The following EPB41 variants were observed in gnomAD, a reference collection of about 807,000 sequenced individuals.
The protein encoded by EPB41 is erythrocyte membrane protein band 4.1.
In EPB41, 65 loss-of-function variants were observed where a neutral mutation model predicts 108.0. The observed-to-expected ratio is 0.60, with a 90% CI of 0.49 to 0.74. The LOEUF (loss-of-function observed/expected upper bound fraction) is 0.74, where lower values mean the gene tolerates loss of function less well. Ranked by LOEUF, EPB41 falls within the 30% of genes least tolerant of loss-of-function variation. The probability of loss-of-function intolerance (pLI) is 0.00; values close to 1 mark genes in which losing one functional copy is unlikely to be tolerated. For synonymous variants in EPB41, 336 were observed against 358.9 expected, an observed-to-expected ratio of 0.94 and a Z score of 0.72; for missense variants, 875 against 1,037.0, an observed-to-expected ratio of 0.84 and a Z score of 2.15.
chr1:28,984,341 A>C (rs2095825350), intron 1 of EPB41, among the ~76,000 whole-genome samples: 1 of 152,160 alleles, frequency 6.6e-6, no homozygotes, highest in South Asian at 2.1e-4. Flanking sequence ...TTCTGCCTAG[A>C]ATTTCTCTGC....
chr1:28,961,987 C>T (rs1477035464), intron 1 of EPB41, among the ~76,000 whole-genome samples: 1 of 150,888 alleles, frequency 6.6e-6, no homozygotes, highest in Non-Finnish European at 1.5e-5. Context: ...TGCTCTTATT[C>T]CTAAATTGAT....
chr1:28,964,500 C>T (rs898843243), intron 1 of EPB41, among the ~76,000 whole-genome samples: 1 of 151,916 alleles, frequency 6.6e-6, no homozygotes, highest in Non-Finnish European at 1.5e-5. Context: ...ACTTGGGAGG[C>T]TGAGGCAGGA....
intron 4 of EPB41, among the ~76,000 whole-genome samples, chr1:29,001,838 A>G (rs183243668): frequency 6.6e-6 from 1 of 152,136 alleles, no homozygotes; most frequent in Admixed American, 6.5e-5. Flanking sequence ...ACAATTATAT[A>G]TCTTGGTGTG....
intron 16 of EPB41, among the ~76,000 whole-genome samples, chr1:29,082,940 C>T (rs1334329724): frequency 1.3e-5 from 2 of 152,156 alleles, no homozygotes; most frequent in Non-Finnish European, 2.9e-5. Flanking sequence ...ATTTCATTTG[C>T]TGTCCTTTGT....
At chr1:28,953,830 A>C (rs1187477548) in intron 1 of EPB41, among the ~76,000 whole-genome samples, 1 of 152,244 alleles carries the variant, frequency 6.6e-6, no homozygotes, top group Non-Finnish European at 1.5e-5. Context: ...GCATTTATCA[A>C]AATCACTTGG....
At chr1:29,019,891 G>C (rs1186394629) in intron 7 of EPB41, among the ~76,000 whole-genome samples, 5 of 152,020 alleles carry the variant, frequency 3.3e-5, no homozygotes, top group Non-Finnish European at 5.9e-5. Context: ...AGTCTTATAA[G>C]AGTTACCCAT....
At chr1:29,025,496 A>G (rs1363202347) in intron 7 of EPB41, among the ~76,000 whole-genome samples, 6 of 152,036 alleles carry the variant, frequency 3.9e-5, no homozygotes, top group Non-Finnish European at 2.9e-5. Context: ...GTTTAGAGGT[A>G]TCTAATCTCT....
chr1:29,013,302 C>T (rs1266152724), intron 5 of EPB41, among the ~76,000 whole-genome samples: 46 of 146,344 alleles, frequency 3.1e-4, no homozygotes, highest in Non-Finnish European at 1.3e-4. Flanking sequence ...TCCAGCCTGG[C>T]GACAGAGCAA....
At chr1:28,890,372 C>T (rs2089989503) in intron 1 of EPB41, among the ~76,000 whole-genome samples, 1 of 152,140 alleles carries the variant, frequency 6.6e-6, no homozygotes, top group Non-Finnish European at 1.5e-5. Flanking sequence ...TGGGATTCCA[C>T]TCCTTTATAG....
At chr1:28,906,886 C>G (rs1462368272) in intron 1 of EPB41, among the ~76,000 whole-genome samples, 1 of 151,778 alleles carries the variant, frequency 6.6e-6, no homozygotes, top group South Asian at 2.1e-4. Flanking sequence ...CGCCATTCTC[C>G]TGCCTCAGCC....
chr1:29,013,375 A>G (rs985346211), intron 5 of EPB41, among the ~76,000 whole-genome samples: 5 of 149,740 alleles, frequency 3.3e-5, no homozygotes, highest in Non-Finnish European at 7.4e-5. Flanking sequence ...AACATGGGGG[A>G]AAAAAACAAA....
chr1:28,993,644 T>C (rs2096076489), intron 3 of EPB41, 102 bp downstream of exon 3: 2 of 984,386 alleles, frequency 2.0e-6, no homozygotes, highest in South Asian at 1.5e-5. Flanking sequence ...ACTGTAGTGA[T>C]TATTTCTTTT....
At chr1:29,078,741 G>A (rs983321081) in intron 16 of EPB41, among the ~76,000 whole-genome samples, 7 of 152,098 alleles carry the variant, frequency 4.6e-5, no homozygotes, top group East Asian at 3.9e-4. Context: ...GCAAGACCCC[G>A]TCTCTACAAA....
chr1:29,025,588 A>G (rs1305658823), intron 7 of EPB41, among the ~76,000 whole-genome samples: 1 of 151,988 alleles, frequency 6.6e-6, no homozygotes, highest in Non-Finnish European at 1.5e-5. Flanking sequence ...GGCAAAAAAT[A>G]ATTTATTTTG....
At chr1:29,043,415 T>G (rs12063560) in intron 11 of EPB41, among the ~76,000 whole-genome samples, 18,724 of 152,258 alleles carry the variant, frequency 0.12, 1,585 homozygotes, top group African/African-American at 0.25. Flanking sequence ...TGCTGTCCCA[T>G]GGACCTTTCT....
At chr1:29,114,866 G>A (rs1670382593) in intron 19 of EPB41, among the ~76,000 whole-genome samples, 1 of 152,020 alleles carries the variant, frequency 6.6e-6, no homozygotes, top group Admixed American at 6.6e-5. Context: ...AATAAGTAAT[G>A]TACTTAGGCT....
chr1:29,030,034 C>G (rs1347266139), intron 7 of EPB41, among the ~76,000 whole-genome samples: 1 of 151,866 alleles, frequency 6.6e-6, no homozygotes, highest in East Asian at 1.9e-4. Context: ...ATCTCCTTGG[C>G]AAGAAAAATT....
At chr1:28,996,410 G>A (rs954955539) in intron 3 of EPB41, among the ~76,000 whole-genome samples, 5 of 152,152 alleles carry the variant, frequency 3.3e-5, no homozygotes, top group African/African-American at 1.2e-4. Context: ...GAGATTGTAG[G>A]GAGTTGAGGC....
At chr1:28,984,782 C>T (rs147453319) in intron 1 of EPB41, among the ~76,000 whole-genome samples, 1 of 151,910 alleles carries the variant, frequency 6.6e-6, no homozygotes, top group Non-Finnish European at 1.5e-5. Context: ...CTCAGCTTCC[C>T]AAGTAGCTGG....
Sources: gnomAD v4.1 joint callset for allele counts (sites outside exome capture counted in the v4.1 genomes callset) on GRCh38, gnomAD v4.1.1 for gene constraint, MANE v1.5 for transcripts, NCBI Gene and HGNC (gene_info 2026-07-23, HGNC 2026-07-21) for gene names.